TMF1: variants seen among roughly 807,000 people sequenced by gnomAD.
TMF1 encodes the protein TATA element modulatory factor.
TMF1 carries 71 observed loss-of-function variants against 126.5 expected under a neutral mutation model. The observed-to-expected ratio is 0.56, with a 90% CI of 0.46 to 0.68. The LOEUF (loss-of-function observed/expected upper bound fraction) is 0.68. Among genes scored for constraint, TMF1 ranks in the 30% least tolerant of loss-of-function variants. TMF1 has a pLI of 0.00. For missense variants in TMF1, 1,259 were observed against 1,253.2 expected (o/e 1.00, Z -0.07); for synonymous variants, 461 against 430.5 (o/e 1.07, Z -0.88).
At chr3:69,050,743 T>TA (rs2091922657) in intron 1 of TMF1, among the ~76,000 whole-genome samples, 1 of 152,200 alleles carries the variant, frequency 6.6e-6, no homozygotes, top group Non-Finnish European at 1.5e-5. Flanking sequence ...CAAAATATCT[T>TA]AAACTGAGGT....
rs181363789 is a variant in TMF1, at chr3:69,021,046, G to A, written c.*2131C>T. On this transcript the variant is annotated 3_prime_UTR_variant, in exon 17 of 17. Transcript: ENST00000398559. ...CCACGATTTTGCTTTCTGTGGTTTCGGTTACTCACGGTCAACCACAGTCTG... is the reference window on the plus strand; with the variant it reads ...CCACGATTTTGCTTTCTGTGGTTTCAGTTACTCACGGTCAACCACAGTCTG... 7 of 152,226 alleles carry A rather than the reference G, an allele frequency of 4.6e-5. No homozygotes were observed. The highest frequency in any genetic ancestry group is 3.3e-4 in the Admixed American group (5 of 15,288). The allele number at this position is 152,226 out of a possible 1,614,324, so 9.4% of individuals were successfully genotyped here. A position where few individuals can be genotyped will look rare whatever the true frequency, so the allele number is the denominator to read the frequency against.
At position 69,023,139 on chromosome 3, in the gene TMF1, G is replaced by A; in HGVS notation, c.*38C>T. On this transcript the variant is annotated 3_prime_UTR_variant, in exon 17 of 17. Transcript: ENST00000398559. ...CACATTAAATGTTTAGATATTAAAT[G>A]CTTACATTCAGTTTGATGGGAATTC... is the stretch of plus-strand genomic sequence containing the variant. 4 of 1,559,750 alleles carry A rather than the reference G, an allele frequency of 2.6e-6. No homozygotes were observed. The highest frequency in any genetic ancestry group is 3.5e-6 in the Non-Finnish European group (4 of 1,140,456).
intron 8 of TMF1, among the ~76,000 whole-genome samples, chr3:69,036,315 T>C (rs1330477961): frequency 2.6e-5 from 4 of 152,036 alleles, no homozygotes; most frequent in Non-Finnish European, 5.9e-5. Flanking sequence ...CTGAAAATCC[T>C]TCACCTAATG....
chr3:69,025,236 G>A (rs756210733), intron 15 of TMF1: 1 of 203,874 alleles, frequency 4.9e-6, no homozygotes, highest in Admixed American at 5.8e-5. Flanking sequence ...CTTGAAAGGA[G>A]GAGGGATTCT....
chr3:69,037,850 C>A (rs767785094), intron 8 of TMF1, among the ~76,000 whole-genome samples: 5 of 151,604 alleles, frequency 3.3e-5, no homozygotes, highest in Admixed American at 6.6e-5. Flanking sequence ...CAACACCATA[C>A]TCAGTTACCA....
In TMF1 at chr3:69,048,016, T is replaced by G; in HGVS notation, c.689A>C (p.Lys230Thr). Residue 230 changes from lysine (K) to threonine (T), a missense_variant, in exon 2 of 17, where the codon AAG (lysine) becomes ACG (threonine). Physicochemically the swap from Lys to Thr is moderately conservative, Grantham distance 78. Transcript: ENST00000398559. ...CTGCCTGTCTTCATGTTTTTGTTCC[T>G]TAGGTTCCAAAGCTATGTCCTTTGT... ...AETKDIALEP[K>T]EQKHEDRQSN... 6.2e-7 allele frequency: 1 copy of G among 1,613,986 alleles called. No homozygotes were observed. The highest frequency in any genetic ancestry group is 8.5e-7 in the Non-Finnish European group (1 of 1,180,020).
In TMF1 at chr3:69,043,758, C is replaced by T. The variant is rs2091880188; in HGVS notation, c.1570G>A (p.Ala524Thr). The change falls in exon 4 of 17, where the codon GCT (alanine) becomes ACT (threonine). Residue 524 changes from alanine (A) to threonine (T), a missense_variant. By Grantham distance (58) the Ala-to-Thr change is moderately conservative (BLOSUM62 0). Coordinates refer to ENST00000398559, the MANE Select transcript of TMF1 (RefSeq NM_007114.3). ...CTTTAAATTTCAATTACCTTTTTAG[C>T]AGCATCTCTCTCTTTGCAGGCTAGT... is the stretch of plus-strand genomic sequence containing the variant. ...VQLACKERDA[A>T]KKEIKNIKEE... 1.9e-6 allele frequency: 3 copies of T among 1,604,870 alleles called. No homozygotes were observed. The highest frequency in any genetic ancestry group is 2.6e-6 in the Non-Finnish European group (3 of 1,176,356).
intron 4 of TMF1, 23 bp from the exon 5 acceptor site, chr3:69,042,935 A>C (rs2091875909): frequency 2.6e-6 from 4 of 1,512,688 alleles, no homozygotes; most frequent in Non-Finnish European, 3.7e-6. Flanking sequence ...AAATCTGTGA[A>C]TACCGTAAAG....
rs549511812 is a variant in TMF1 at position 69,031,372 on chromosome 3, C to G, written c.2402-1365G>C. On this transcript the variant is annotated intron_variant, in intron 10 of 16. Coordinates refer to ENST00000398559, the MANE Select transcript of TMF1 (RefSeq NM_007114.3). ...CAATAGTGTTGGAACTGTTCAATAT[C>G]TTGACTATGGTAATGGATATGTGGT... 7.2e-5 allele frequency among the ~76,000 whole-genome samples: 11 copies of G among 152,116 alleles called. No individual in the cohort carries two copies. In the South Asian group the frequency reaches 1.9e-3, roughly 26 times the overall value.
In TMF1 at chr3:69,033,273, C is replaced by CAA. The variant is rs34778745; in HGVS notation, c.2401+273_2401+274dup. Among the ~76,000 whole-genome samples, 82 of 85,606 alleles carry CAA rather than the reference C, an allele frequency of 9.6e-4. 2 individuals are homozygous for CAA. The highest frequency in any genetic ancestry group is 6.3e-3 in the Middle Eastern group (1 of 160). 56.2% of individuals were successfully genotyped at this position (85,606 alleles called of 152,430 possible). A position where few individuals can be genotyped will look rare whatever the true frequency, so the allele number is the denominator to read the frequency against. ...TCAGTGAAAGAGTGAGACTCCATCTCAAAAAAAAAAAAAAAAAAAGAACTG... is the reference window on the plus strand; with the variant it reads ...TCAGTGAAAGAGTGAGACTCCATCTCAAAAAAAAAAAAAAAAAAAAAGAACTG... On this transcript the variant is annotated intron_variant, in intron 10 of 16. Transcript: ENST00000398559.
chr3:69,050,497 G>C (rs1355520247), intron 1 of TMF1, among the ~76,000 whole-genome samples: 1 of 152,062 alleles, frequency 6.6e-6, no homozygotes, highest in African/African-American at 2.4e-5. Flanking sequence ...TTTGCCTCTT[G>C]GAGAATACTT....
chr3:69,027,020 G>A (rs958993281), intron 13 of TMF1, among the ~76,000 whole-genome samples: 11 of 151,770 alleles, frequency 7.2e-5, no homozygotes, highest in Admixed American at 6.6e-4. Flanking sequence ...TTTTGAGAAA[G>A]AGTCTCGATC....
At chr3:69,042,691 C>T (rs989804146) in intron 5 of TMF1, 116 bp downstream of exon 5, 13 of 826,258 alleles carry the variant, frequency 1.6e-5, no homozygotes, top group South Asian at 1.6e-4. Context: ...CTATGGTTTA[C>T]GTCCAAACCC....
Position 69,033,674 on chromosome 3 carries a change from C to G in TMF1, c.2275G>C (p.Glu759Gln). 1 of 1,612,708 alleles carries G rather than the reference C, an allele frequency of 6.2e-7. No homozygotes were observed. The highest frequency in any genetic ancestry group is 8.5e-7 in the Non-Finnish European group (1 of 1,179,618). The change falls in exon 10 of 17, where the codon GAA (glutamate) becomes CAA (glutamine). Residue 759 changes from glutamate (E) to glutamine (Q), a missense_variant. Transcript: ENST00000398559. ...GTTGATGAAACACTTTGACTCAGTT[C>G]CTGGTTTCGATTCTCTGCTTCCTGG... ...RLQEAENRNQELSQSVSSTTR... is the reference protein window; with the variant it reads ...RLQEAENRNQQLSQSVSSTTR...
rs1167551920 is a variant in TMF1 at position 69,023,196 on chromosome 3, A to G, written c.3263T>C (p.Leu1088Ser). The change falls in exon 17 of 17, where the codon TTA becomes TCA. Residue 1088 changes from leucine to serine, a missense_variant. Coordinates refer to ENST00000398559, the MANE Select transcript of TMF1 (RefSeq NM_007114.3). ...CACAAGTTAACTGAGACTTTGTCTTAAAAGTTCATCTATTTGAGTTTTGTA... is the reference window on the plus strand; with the variant it reads ...CACAAGTTAACTGAGACTTTGTCTTGAAAGTTCATCTATTTGAGTTTTGTA... ...NMYKTQIDEL[L>S]RQSLS 3 of 1,610,846 alleles carry G rather than the reference A, an allele frequency of 1.9e-6. No individual in the cohort carries two copies. The African/African-American group carries it at 4.0e-5, about 21-fold the overall frequency.
Position 69,042,886 on chromosome 3 carries a change from A to G in TMF1, c.1605T>C (p.Leu535=). 1 of 1,612,994 alleles carries G rather than the reference A, an allele frequency of 6.2e-7. No homozygotes were observed. Among genetic ancestry groups the G allele is most frequent in the Non-Finnish European group, 8.5e-7 (1 of 1,179,424 alleles). Residue 535 remains leucine, a synonymous_variant, in exon 5 of 17, where the codon CTT becomes CTC. Transcript: ENST00000398559. ...KKEIKNIKEE[L]ATRLNSSETA... ...TTTCACTACTATTTAATCTAGTGGCAAGTTCTTCTTTTATGTTTTTGATTT... is the reference window on the plus strand; with the variant it reads ...TTTCACTACTATTTAATCTAGTGGCGAGTTCTTCTTTTATGTTTTTGATTT...
intron 6 of TMF1, 53 bp downstream of exon 6, chr3:69,039,498 T>C: frequency 6.4e-7 from 1 of 1,565,854 alleles, no homozygotes; most frequent in Non-Finnish European, 8.6e-7. Context: ...GGCCAACTGT[T>C]CATACAGGAA....
rs6767963 is a variant in TMF1 at position 69,031,333 on chromosome 3, T to C, written c.2402-1326A>G. 3.4e-3 allele frequency among the ~76,000 whole-genome samples: 521 copies of C among 152,182 alleles called. 8 individuals are homozygous for C. Among genetic ancestry groups the C allele is most frequent in the African/African-American group, 0.012 (493 of 41,530 alleles). On this transcript the variant is annotated intron_variant, in intron 10 of 16. Transcript: ENST00000398559. ...CAGCTAAGAAAAAAAGAAAAAAAGC[T>C]AACAGGAAGGACTCAATAGTGTTGG...
In TMF1 at chr3:69,021,390, G is replaced by A. The variant is rs2091736314; in HGVS notation, c.*1787C>T. 6.6e-6 allele frequency: 1 copy of A among 152,360 alleles called. No individual in the cohort carries two copies. 9.4% of individuals were successfully genotyped at this position (152,360 alleles called of 1,614,324 possible). On this transcript the variant is annotated 3_prime_UTR_variant, in exon 17 of 17. Transcript: ENST00000398559. ...TATTGCTTATCTGTCCTGTCATTCT[G>A]CCCTTGAATATTACACACACAAAAA...
Sources: gnomAD v4.1 joint callset for allele counts (sites outside exome capture counted in the v4.1 genomes callset) on GRCh38, gnomAD v4.1.1 for gene constraint, MANE v1.5 for transcripts, NCBI Gene and HGNC (gene_info 2026-07-23, HGNC 2026-07-21) for gene names.